The following CSTPP1 variants were observed in gnomAD, a reference collection of about 807,000 sequenced individuals.
CSTPP1 encodes centriolar satellite-associated tubulin polyglutamylase complex regulator 1.
chr11:47,130,073 A>G, the CSTPP1 span, among the ~76,000 whole-genome samples: 1 of 152,194 alleles, frequency 6.6e-6, no homozygotes, highest in African/African-American at 2.4e-5. Context: ...CCTGGCCAAC[A>G]TGGTGAAACC....
chr11:46,972,122 C>T, the CSTPP1 span, among the ~76,000 whole-genome samples: 1 of 152,098 alleles, frequency 6.6e-6, no homozygotes. Flanking sequence ...AGACTTTTTA[C>T]TGGGTCATTT....
the CSTPP1 span, among the ~76,000 whole-genome samples, chr11:47,115,758 A>G: frequency 6.6e-6 from 1 of 151,582 alleles, no homozygotes; most frequent in African/African-American, 2.4e-5. Context: ...TTTAAAAAAA[A>G]AAAAACCAGC....
At chr11:47,146,152 C>G in the CSTPP1 span, among the ~76,000 whole-genome samples, 11,991 of 152,034 alleles carry the variant, frequency 0.079, 495 homozygotes, top group Non-Finnish European at 0.09. Flanking sequence ...CACCTGAAGT[C>G]AGGAGTTCAA....
At chr11:47,038,400 G>C in the CSTPP1 span, among the ~76,000 whole-genome samples, 2 of 95,602 alleles carry the variant, frequency 2.1e-5, no homozygotes, top group East Asian at 5.5e-4. Context: ...CAGTAGGGGC[G>C]GCCGGGCAGA....
At chr11:47,091,442 G>A in the CSTPP1 span, among the ~76,000 whole-genome samples, 2 of 152,124 alleles carry the variant, frequency 1.3e-5, no homozygotes, top group Non-Finnish European at 1.5e-5. Context: ...TCAAAGTGAA[G>A]TCTGAGTACC....
the CSTPP1 span, among the ~76,000 whole-genome samples, chr11:46,941,075 G>A: frequency 6.6e-6 from 1 of 152,154 alleles, no homozygotes. Context: ...TGTTTGTGAA[G>A]CCCAACCAAT....
At chr11:47,057,463 G>C in the CSTPP1 span, among the ~76,000 whole-genome samples, 6 of 152,094 alleles carry the variant, frequency 3.9e-5, no homozygotes, top group African/African-American at 1.4e-4. Context: ...CTGTGAAGAA[G>C]TATCTACTAA....
At chr11:46,997,810 G>C in the CSTPP1 span, among the ~76,000 whole-genome samples, 1 of 152,188 alleles carries the variant, frequency 6.6e-6, no homozygotes, top group Admixed American at 6.5e-5. Flanking sequence ...GTCTGTTGGA[G>C]TTTGTTGGAG....
chr11:46,978,075 G>A, the CSTPP1 span, among the ~76,000 whole-genome samples: 1 of 152,234 alleles, frequency 6.6e-6, no homozygotes, highest in Non-Finnish European at 1.5e-5. Context: ...AGTGGATACA[G>A]TTTGTATGTT....
At chr11:46,982,727 T>A in the CSTPP1 span, among the ~76,000 whole-genome samples, 1 of 152,172 alleles carries the variant, frequency 6.6e-6, no homozygotes, top group Non-Finnish European at 1.5e-5. Flanking sequence ...ATTTTTATAG[T>A]TATAGATTTT....
the CSTPP1 span, among the ~76,000 whole-genome samples, chr11:47,086,401 G>A: frequency 6.6e-6 from 1 of 151,762 alleles, no homozygotes; most frequent in Non-Finnish European, 1.5e-5. Flanking sequence ...GTGAGACTCT[G>A]TGGAAAAAAA....
the CSTPP1 span, among the ~76,000 whole-genome samples, chr11:47,073,025 T>C: frequency 2.0e-5 from 3 of 152,374 alleles, no homozygotes; most frequent in East Asian, 5.8e-4. Flanking sequence ...GGAGGTTTAC[T>C]GAAATGTTGT....
At chr11:47,065,178 T>C in the CSTPP1 span, among the ~76,000 whole-genome samples, 1 of 152,224 alleles carries the variant, frequency 6.6e-6, no homozygotes, top group African/African-American at 2.4e-5. Flanking sequence ...TGGAATACCA[T>C]TGGAATTTTG....
chr11:47,028,286 A>G, the CSTPP1 span, among the ~76,000 whole-genome samples: 16 of 152,208 alleles, frequency 1.1e-4, no homozygotes, highest in South Asian at 2.1e-4. Context: ...GTTGCACTCA[A>G]TGAACCTATC....
At chr11:46,954,878 A>G in the CSTPP1 span, among the ~76,000 whole-genome samples, 1 of 151,908 alleles carries the variant, frequency 6.6e-6, no homozygotes, top group East Asian at 1.9e-4. Flanking sequence ...AGGGAAGGGA[A>G]GAGTCAGCAT....
At chr11:47,091,166 C>A in the CSTPP1 span, among the ~76,000 whole-genome samples, 3 of 151,014 alleles carry the variant, frequency 2.0e-5, no homozygotes, top group African/African-American at 7.3e-5. Flanking sequence ...CCAAGGCAGG[C>A]GGATCAGGAG....
At chr11:47,038,367 G>C in the CSTPP1 span, among the ~76,000 whole-genome samples, 6 of 82,364 alleles carry the variant, frequency 7.3e-5, no homozygotes, top group Admixed American at 2.8e-4. Context: ...GTGGCTGGCC[G>C]GACAGAGGGG....
the CSTPP1 span, among the ~76,000 whole-genome samples, chr11:47,143,888 G>C: frequency 1.3e-5 from 2 of 152,200 alleles, no homozygotes; most frequent in African/African-American, 4.8e-5. Context: ...AGAAGTATAT[G>C]ATGTGCTTAA....
the CSTPP1 span, among the ~76,000 whole-genome samples, chr11:47,101,176 T>TG: frequency 2.2e-5 from 2 of 90,514 alleles, no homozygotes; most frequent in Admixed American, 1.2e-4. Flanking sequence ...TTTTTTTTTT[T>TG]TTTTTTTTTT....
Sources: gnomAD v4.1 joint callset for allele counts (sites outside exome capture counted in the v4.1 genomes callset) on GRCh38, gnomAD v4.1.1 for gene constraint, MANE v1.5 for transcripts, NCBI Gene and HGNC (gene_info 2026-07-23, HGNC 2026-07-21) for gene names.